Variants in SPATA13 observed in about 807,000 individuals in gnomAD.
The protein encoded by SPATA13 is spermatogenesis-associated protein 13.
Under a neutral mutation model 104.0 loss-of-function variants are expected in SPATA13, and 50 were observed. The observed-to-expected ratio is 0.48, with a 90% CI of 0.38 to 0.61. The LOEUF (loss-of-function observed/expected upper bound fraction) is 0.61. SPATA13 is among the 20% of genes least tolerant of loss of function. The pLI, the probability that SPATA13 is intolerant of heterozygous loss-of-function variation, is 0.00. For missense variants in SPATA13, 1,524 were observed against 1,690.6 expected, an observed-to-expected ratio of 0.90 and a Z score of 1.73; for synonymous variants, 606 against 667.5, an observed-to-expected ratio of 0.91 and a Z score of 1.42.
chr13:23,990,586 C>G (rs1463172377), intron 2 of SPATA13, among the ~76,000 whole-genome samples: 1 of 152,172 alleles, frequency 6.6e-6, no homozygotes, highest in Non-Finnish European at 1.5e-5. Context: ...TTGCCCAACA[C>G]TCCCCAGCCT....
At chr13:24,152,172 T>C (rs1418175564) in intron 3 of SPATA13, among the ~76,000 whole-genome samples, 1 of 152,222 alleles carries the variant, frequency 6.6e-6, no homozygotes, top group African/African-American at 2.4e-5. Context: ...AAGTCCAAGA[T>C]CAAGGCACCT....
intron 3 of SPATA13, among the ~76,000 whole-genome samples, chr13:24,095,166 A>G (rs990329207): frequency 4.6e-5 from 7 of 152,246 alleles, no homozygotes; most frequent in African/African-American, 1.7e-4. Context: ...AGTGTCCATC[A>G]GTGGATAAAT....
intron 3 of SPATA13, chr13:24,122,135 C>T: frequency 6.2e-7 from 1 of 1,611,814 alleles, no homozygotes; most frequent in African/African-American, 1.3e-5. Flanking sequence ...GAATTTGTAT[C>T]CTCCATGCTT....
At chr13:24,188,953 G>A (rs1869335810) in intron 1 of SPATA13, among the ~76,000 whole-genome samples, 1 of 152,120 alleles carries the variant, frequency 6.6e-6, no homozygotes, top group African/African-American at 2.4e-5. Context: ...ACAAAGCCTA[G>A]ATGACAGTAC....
At chr13:24,038,222 A>G (rs564485044) in intron 3 of SPATA13, among the ~76,000 whole-genome samples, 4 of 152,318 alleles carry the variant, frequency 2.6e-5, no homozygotes, top group Admixed American at 6.5e-5. Context: ...CAACTAGGCT[A>G]GATTTTTAAC....
chr13:24,033,990 A>G (rs1220511505), intron 3 of SPATA13: 1 of 152,236 alleles, frequency 6.6e-6, no homozygotes, highest in Non-Finnish European at 1.5e-5. Context: ...CTTTATCTGC[A>G]TCGCAATTCT....
At chr13:24,148,357 TTG>T (rs1291366478) in intron 3 of SPATA13, among the ~76,000 whole-genome samples, 1 of 128,586 alleles carries the variant, frequency 7.8e-6, no homozygotes, top group Non-Finnish European at 1.8e-5. Context: ...CAAGGCTTTT[TTG>T]TTTTTTTATT....
intron 3 of SPATA13, among the ~76,000 whole-genome samples, chr13:24,104,555 G>A (rs1880376164): frequency 6.6e-6 from 1 of 152,172 alleles, no homozygotes; most frequent in Non-Finnish European, 1.5e-5. Context: ...AGAGACAAGA[G>A]CTCCTCGGAA....
At chr13:24,190,723 G>C (rs1406564242) in intron 1 of SPATA13, among the ~76,000 whole-genome samples, 2 of 152,074 alleles carry the variant, frequency 1.3e-5, no homozygotes, top group African/African-American at 2.4e-5. Flanking sequence ...AGCAAAGAGA[G>C]TGGTTTCTTG....
At chr13:23,986,844 C>T (rs1875168090) in intron 2 of SPATA13, among the ~76,000 whole-genome samples, 1 of 152,060 alleles carries the variant, frequency 6.6e-6, no homozygotes, top group Admixed American at 6.6e-5. Context: ...CATCTCAGAC[C>T]CAGATGTCTG....
chr13:24,297,720 G>A lies in SPATA13; in HGVS notation c.3568G>A (p.Glu1190Lys). 1.2e-6 allele frequency: 2 copies of A among 1,611,540 alleles called. No individual in the cohort carries two copies. The highest frequency in any genetic ancestry group is 1.7e-6 in the Non-Finnish European group (2 of 1,178,238). ...TGCAGATGAAAGGAGGCGGGTGCAAGAGGACAAGGAGATGGGTGAGCAGCC... is the reference window on the plus strand; with the variant it reads ...TGCAGATGAAAGGAGGCGGGTGCAAAAGGACAAGGAGATGGGTGAGCAGCC... ...ACADERRRVQ[E>K]DKEMGMEISE... is the part of the protein sequence containing the mutation. Residue 1190 changes from glutamate (E) to lysine (K), a missense_variant, in exon 11 of 13, where the codon GAG becomes AAG. Coordinates refer to ENST00000382108, the MANE Select transcript of SPATA13 (RefSeq NM_001166271.3).
At chr13:24,169,742 G>A (rs116424804) in intron 1 of SPATA13, among the ~76,000 whole-genome samples, 1,539 of 152,312 alleles carry the variant, frequency 0.01, 38 homozygotes, top group African/African-American at 0.035. Context: ...GAGGGAAGAA[G>A]GTAACCTCCT....
chr13:24,115,281 C>T (rs1880796778), intron 3 of SPATA13, among the ~76,000 whole-genome samples: 1 of 152,218 alleles, frequency 6.6e-6, no homozygotes, highest in Admixed American at 6.5e-5. Context: ...CCATGACCAA[C>T]TGCTGCATAA....
intron 4 of SPATA13, among the ~76,000 whole-genome samples, chr13:24,280,823 A>G (rs1335158515): frequency 6.6e-6 from 1 of 151,902 alleles, no homozygotes; most frequent in Non-Finnish European, 1.5e-5. Context: ...CCCACCCCCA[A>G]ACTCACACAC....
chr13:24,200,463 G>T (rs530658069), intron 1 of SPATA13, among the ~76,000 whole-genome samples: 1 of 152,028 alleles, frequency 6.6e-6, no homozygotes, highest in Non-Finnish European at 1.5e-5. Flanking sequence ...AACCTGAAAC[G>T]TGAAATGCTA....
intron 3 of SPATA13, chr13:24,034,653 C>A (rs1461956953): frequency 1.3e-5 from 2 of 152,216 alleles, no homozygotes; most frequent in African/African-American, 4.8e-5. Context: ...GGACCACAGT[C>A]ATTGGGAGGT....
intron 3 of SPATA13, among the ~76,000 whole-genome samples, chr13:24,065,149 G>A (rs112793419): frequency 1.0e-3 from 155 of 152,232 alleles, no homozygotes; most frequent in African/African-American, 3.6e-3. Context: ...CCTGTCAGGG[G>A]GATGTCTAAT....
intron 3 of SPATA13, among the ~76,000 whole-genome samples, chr13:24,105,752 T>C (rs1180962814): frequency 6.6e-6 from 1 of 152,126 alleles, no homozygotes; most frequent in Non-Finnish European, 1.5e-5. Context: ...GTGACTGTAT[T>C]TGGAGACAGG....
intron 1 of SPATA13, among the ~76,000 whole-genome samples, chr13:24,187,564 A>G (rs1404031427): frequency 2.0e-5 from 3 of 152,206 alleles, no homozygotes; most frequent in African/African-American, 7.2e-5. Flanking sequence ...ATTCATTGTT[A>G]CAATAGCATG....
Sources: gnomAD v4.1 joint callset for allele counts (sites outside exome capture counted in the v4.1 genomes callset) on GRCh38, gnomAD v4.1.1 for gene constraint, MANE v1.5 for transcripts, NCBI Gene and HGNC (gene_info 2026-07-23, HGNC 2026-07-21) for gene names.